THAP12: variants seen among roughly 807,000 people sequenced by gnomAD.
The protein encoded by THAP12 is 52 kDa repressor of the inhibitor of the protein kinase.
A neutral mutation model predicts 63.0 loss-of-function variants in THAP12; 20 were observed. That is an observed-to-expected ratio of 0.32 (90% CI 0.22 to 0.46). The LOEUF (loss-of-function observed/expected upper bound fraction) is 0.46. THAP12 is among the 20% of genes least tolerant of loss of function. The pLI is 1.00. For missense variants in THAP12, 568 were observed against 908.2 expected, an observed-to-expected ratio of 0.63 and a Z score of 4.81; for synonymous variants, 264 against 328.4, an observed-to-expected ratio of 0.80 and a Z score of 2.12.
At position 76,351,267 on chromosome 11, in the gene THAP12, T is replaced by C. The variant is rs371805697; in HGVS notation, c.1883A>G (p.Tyr628Cys). 1.9e-6 allele frequency: 3 copies of C among 1,568,392 alleles called. No homozygotes were observed. The highest frequency in any genetic ancestry group is 2.6e-6 in the Non-Finnish European group (3 of 1,154,980). ...NTSEEHHADM[Y>C]RSDLPNPDTL... ...GTCAGGATTGGGTAAGTCACTTCTA[T>C]ACATGTCAGCATGGTGTTCCTCCGA... is the stretch of plus-strand genomic sequence containing the variant. The change falls in exon 5 of 5, where the codon TAT becomes TGT. Residue 628 changes from tyrosine (Y) to cysteine (C), a missense_variant. By Grantham distance (194) the Tyr-to-Cys change is radical. Transcript: ENST00000260045.
At chr11:76,364,893 A>G (rs572121325) in intron 2 of THAP12, among the ~76,000 whole-genome samples, 4 of 152,370 alleles carry the variant, frequency 2.6e-5, no homozygotes, top group African/African-American at 9.6e-5. Context: ...AAAAAGCTCT[A>G]AAGAGCTCCA....
chr11:76,369,281 C>T (rs980802997), intron 1 of THAP12, among the ~76,000 whole-genome samples: 1 of 152,174 alleles, frequency 6.6e-6, no homozygotes, highest in Non-Finnish European at 1.5e-5. Context: ...CCATCAACAG[C>T]AGGATGGATA....
intron 1 of THAP12, among the ~76,000 whole-genome samples, chr11:76,376,365 C>A (rs1565236730): frequency 6.6e-6 from 1 of 152,202 alleles, no homozygotes; most frequent in African/African-American, 2.4e-5. Flanking sequence ...TTGAAAAGGG[C>A]AGAGACTTCG....
At chr11:76,370,464 G>GC (rs1946665638) in intron 1 of THAP12, among the ~76,000 whole-genome samples, 1 of 151,822 alleles carries the variant, frequency 6.6e-6, no homozygotes, top group South Asian at 2.1e-4. Context: ...CTGGGTTCAA[G>GC]CGATTCTCCC....
intron 1 of THAP12, among the ~76,000 whole-genome samples, chr11:76,376,682 C>T (rs1784891158): frequency 7.2e-6 from 1 of 138,410 alleles, no homozygotes; most frequent in African/African-American, 2.7e-5. Flanking sequence ...GGGATAATAA[C>T]CCTAAAAATG....
chr11:76,353,531 G>A (rs1194456710), intron 4 of THAP12, among the ~76,000 whole-genome samples: 2 of 152,202 alleles, frequency 1.3e-5, no homozygotes, highest in Non-Finnish European at 2.9e-5. Flanking sequence ...TAATATAAAG[G>A]AGATTAATGT....
At chr11:76,377,035 C>T (rs562445203) in intron 1 of THAP12, among the ~76,000 whole-genome samples, 1 of 152,312 alleles carries the variant, frequency 6.6e-6, no homozygotes, top group South Asian at 2.1e-4. Flanking sequence ...CGAGTTCTTT[C>T]CCATGTCTCG....
chr11:76,375,390 C>CT (rs533659659), intron 1 of THAP12, among the ~76,000 whole-genome samples: 2,805 of 132,902 alleles, frequency 0.021, 69 homozygotes, highest in African/African-American at 0.065. Context: ...AAGACTTAGG[C>CT]TTTTTTTTTT....
intron 1 of THAP12, among the ~76,000 whole-genome samples, chr11:76,369,199 C>T (rs1327738630): frequency 6.6e-6 from 1 of 151,906 alleles, no homozygotes; most frequent in Non-Finnish European, 1.5e-5. Context: ...CAAATTACTA[C>T]ATACCCACAA....
chr11:76,364,668 G>A (rs1946619323), intron 2 of THAP12, among the ~76,000 whole-genome samples: 1 of 152,168 alleles, frequency 6.6e-6, no homozygotes, highest in South Asian at 2.1e-4. Context: ...TTAGGAACTG[G>A]GGCCCAAAGA....
intron 1 of THAP12, among the ~76,000 whole-genome samples, chr11:76,378,572 A>C (rs1946727087): frequency 6.6e-6 from 1 of 151,986 alleles, no homozygotes; most frequent in African/African-American, 2.4e-5. Context: ...TCATTTCTGT[A>C]TATGGTATGA....
At chr11:76,369,396 A>C (rs1946654695) in intron 1 of THAP12, among the ~76,000 whole-genome samples, 2 of 152,244 alleles carry the variant, frequency 1.3e-5, no homozygotes, top group African/African-American at 2.4e-5. Context: ...AGGAGTACAT[A>C]CTACATGATT....
intron 1 of THAP12, among the ~76,000 whole-genome samples, chr11:76,373,198 T>C (rs553141520): frequency 6.8e-5 from 10 of 146,470 alleles, no homozygotes; most frequent in Admixed American, 4.1e-4. Flanking sequence ...ATATAAAAAT[T>C]AGCCAGGCAT....
At chr11:76,375,651 T>G (rs1424358052) in intron 1 of THAP12, among the ~76,000 whole-genome samples, 2 of 151,248 alleles carry the variant, frequency 1.3e-5, no homozygotes, top group African/African-American at 2.4e-5. Flanking sequence ...AATATATTCA[T>G]CTTTATTGTT....
At chr11:76,379,437 T>G (rs1590809204) in intron 1 of THAP12, among the ~76,000 whole-genome samples, 1 of 152,204 alleles carries the variant, frequency 6.6e-6, no homozygotes, top group Non-Finnish European at 1.5e-5. Context: ...TACAAGGTCC[T>G]ACCTAAAGAA....
At chr11:76,363,715 A>G in intron 2 of THAP12, among the ~76,000 whole-genome samples, 1 of 152,172 alleles carries the variant, frequency 6.6e-6, no homozygotes, top group South Asian at 2.1e-4. Context: ...CAGCCTCCTG[A>G]GCAGCTGGGA....
chr11:76,351,131 A>T lies in THAP12; in HGVS notation c.2019T>A (p.Phe673Leu). The change falls in exon 5 of 5, where the codon TTT (phenylalanine) becomes TTA (leucine). Residue 673 changes from phenylalanine to leucine, a missense_variant. Transcript: ENST00000260045. ...TCAGCAATGCATACACATTAGGAAAAAACTTGATGTCAGGCAGGTGGAGGG... is the reference window on the plus strand; with the variant it reads ...TCAGCAATGCATACACATTAGGAAATAACTTGATGTCAGGCAGGTGGAGGG... ...YEALHLPDIK[F>L]FPNVYALLKV... is the part of the protein sequence containing the mutation. 1 of 1,608,158 alleles carries T rather than the reference A, an allele frequency of 6.2e-7. No individual in the cohort carries two copies. Among genetic ancestry groups the T allele is most frequent in the South Asian group, 1.1e-5 (1 of 90,264 alleles).
In THAP12 at chr11:76,360,851, T is replaced by C. The variant is rs192324903; in HGVS notation, c.318+105A>G. On this transcript the variant is annotated intron_variant, in intron 3 of 4. Coordinates refer to ENST00000260045, the MANE Select transcript of THAP12 (RefSeq NM_004705.4). ...AACATTTATTTCCCGTTACATTACC[T>C]CTGAAATAGAGAGTAATTTGGATTA... 11 of 755,610 alleles carry C rather than the reference T, an allele frequency of 1.5e-5. No individual in the cohort carries two copies. In the African/African-American group the frequency reaches 1.9e-4, roughly 13 times the overall value. 46.8% of individuals were successfully genotyped at this position (755,610 alleles called of 1,614,324 possible).
intron 1 of THAP12, 73 bp from the exon 2 acceptor site, chr11:76,366,045 A>AAC: frequency 1.3e-6 from 2 of 1,489,910 alleles, no homozygotes; most frequent in Non-Finnish European, 1.8e-6. Context: ...TTTTAAGGCA[A>AAC]ACATACATTA....
Sources: allele counts gnomAD v4.1 joint callset (sites outside exome capture counted in the v4.1 genomes callset), GRCh38; gene constraint gnomAD v4.1.1; transcripts MANE v1.5; gene names NCBI Gene and HGNC (gene_info 2026-07-23, HGNC 2026-07-21).